ATL1: variants seen among roughly 807,000 people sequenced by gnomAD.
ATL1 encodes atlastin-1.
Under a neutral mutation model 75.5 loss-of-function variants are expected in ATL1, and 31 were observed. The ratio of observed to expected loss-of-function variants is 0.41; its 90% confidence interval spans 0.31 to 0.55. The LOEUF (loss-of-function observed/expected upper bound fraction) is 0.55. Among genes scored for constraint, ATL1 ranks in the 20% least tolerant of loss-of-function variants. The pLI is 0.27. For synonymous variants in ATL1, 226 were observed against 233.3 expected (o/e 0.97, Z 0.28); for missense variants, 405 against 662.6 (o/e 0.61, Z 4.27).
chr14:50,569,253 C>A (rs560201810), intron 1 of ATL1, among the ~76,000 whole-genome samples: 20 of 151,730 alleles, frequency 1.3e-4, no homozygotes, highest in Non-Finnish European at 2.8e-4. Context: ...CCAGCTACTC[C>A]GGAGGCTGAA....
upstream of ATL1, among the ~76,000 whole-genome samples, chr14:50,558,711 G>T (rs895544296): frequency 2.0e-5 from 3 of 152,150 alleles, no homozygotes; most frequent in East Asian, 3.9e-4. Context: ...GGATTTTCAG[G>T]CTGGAATGTA....
chr14:50,541,663 G>C (rs940169416), intron 1 of ATL1, among the ~76,000 whole-genome samples: 5 of 152,144 alleles, frequency 3.3e-5, no homozygotes, highest in African/African-American at 1.2e-4. Context: ...ACAGGAAACT[G>C]TATGGAGTCT....
At chr14:50,577,743 G>A (rs1237038958) in intron 1 of ATL1, among the ~76,000 whole-genome samples, 2 of 152,168 alleles carry the variant, frequency 1.3e-5, no homozygotes, top group East Asian at 3.9e-4. Flanking sequence ...ACATTTCTAT[G>A]TAAATGGAAT....
At chr14:50,560,388 C>A in intron 1 of ATL1, 89 bp downstream of exon 1, 1 of 1,509,326 alleles carries the variant, frequency 6.6e-7, no homozygotes, top group Non-Finnish European at 9.0e-7. Flanking sequence ...GGGCCAAGGG[C>A]TGCTAGGTGC....
At chr14:50,583,785 T>TA (rs2039077472) in intron 1 of ATL1, among the ~76,000 whole-genome samples, 2 of 152,188 alleles carry the variant, frequency 1.3e-5, no homozygotes, top group African/African-American at 4.8e-5. Flanking sequence ...AGTAACTTTT[T>TA]ATGAAGCTAT....
chr14:50,542,673 C>G (rs941420038), intron 1 of ATL1: 2 of 151,994 alleles, frequency 1.3e-5, no homozygotes, highest in African/African-American at 2.4e-5. Flanking sequence ...AACCCATTAT[C>G]TATAGGCTCA....
intron 6 of ATL1, among the ~76,000 whole-genome samples, chr14:50,607,371 T>C (rs1036642558): frequency 3.3e-5 from 5 of 152,056 alleles, no homozygotes; most frequent in Admixed American, 2.6e-4. Flanking sequence ...TGACCACATG[T>C]AGGCGTCAGG....
In ATL1 at chr14:50,575,022, C is replaced by CTT. The variant is rs546058515; in HGVS notation, c.35-12808_35-12807insTT. ...AGCCAAAAAGACTATCTCTTTTTTC[C>CTT]TCTCTCTCTGGTCCTTGATTTAGGA... On this transcript the variant is annotated intron_variant, in intron 1 of 13. Coordinates refer to ENST00000358385, the MANE Select transcript of ATL1 (RefSeq NM_015915.5). Among the ~76,000 whole-genome samples, 395 of 131,130 alleles carry CTT rather than the reference C, an allele frequency of 3.0e-3. 2 individuals are homozygous for CTT. The highest frequency in any genetic ancestry group is 5.1e-3 in the Non-Finnish European group (318 of 61,778). The allele number at this position is 131,130 out of a possible 152,430, so 86.0% of individuals were successfully genotyped here. A position where few individuals can be genotyped will look rare whatever the true frequency, so the allele number is the denominator to read the frequency against.
At chr14:50,564,251 G>T (rs190350207) in intron 1 of ATL1, among the ~76,000 whole-genome samples, 2 of 152,270 alleles carry the variant, frequency 1.3e-5, no homozygotes, top group East Asian at 3.9e-4. Context: ...TACTTTGTTT[G>T]TTTGTTTTTG....
chr14:50,629,512 C>T (rs140296809), intron 12 of ATL1, among the ~76,000 whole-genome samples: 4,291 of 146,048 alleles, frequency 0.029, 211 homozygotes, highest in African/African-American at 0.1. Flanking sequence ...ACCCAGAAGG[C>T]GGAGGTTGCA....
chr14:50,562,050 C>CTT (rs113887466), intron 1 of ATL1, among the ~76,000 whole-genome samples: 1 of 146,624 alleles, frequency 6.8e-6, no homozygotes, highest in Non-Finnish European at 1.5e-5. Context: ...TGGCTATAAA[C>CTT]TTTTTTTTTT....
rs1057524242 is a variant in ATL1, at chr14:50,623,234, A to C, written c.1105A>C (p.Lys369Gln). 3.7e-6 allele frequency: 6 copies of C among 1,611,754 alleles called. No homozygotes were observed. Among genetic ancestry groups the C allele is most frequent in the Non-Finnish European group, 5.1e-6 (6 of 1,178,204 alleles). Reference sequence around the variant, plus strand: ...GGCAACTGCCAAGGACACATACAACAAAAAAATGGAAGAGGTAAGAGTTAA... The same window carrying C: ...GGCAACTGCCAAGGACACATACAACCAAAAAATGGAAGAGGTAAGAGTTAA... ...AVATAKDTYN[K>Q]KMEEICGGDK... The change falls in exon 11 of 14, where the codon AAA becomes CAA. Residue 369 changes from lysine (K) to glutamine (Q), a missense_variant. Lys to Gln is a moderately conservative substitution (Grantham distance 53). Coordinates refer to ENST00000358385, the MANE Select transcript of ATL1 (RefSeq NM_015915.5).
intron 1 of ATL1, among the ~76,000 whole-genome samples, chr14:50,582,356 T>G (rs1343144523): frequency 6.6e-6 from 1 of 151,806 alleles, no homozygotes; most frequent in African/African-American, 2.4e-5. Context: ...ACAGGTGAGT[T>G]CTATCAAAAT....
chr14:50,547,186 T>G (rs2038644584), intron 1 of ATL1, among the ~76,000 whole-genome samples: 2 of 152,242 alleles, frequency 1.3e-5, no homozygotes, highest in African/African-American at 4.8e-5. Flanking sequence ...TCAGTTCTCA[T>G]GAGTCATCCA....
At chr14:50,545,882 A>G (rs1432824281) in intron 1 of ATL1, among the ~76,000 whole-genome samples, 3 of 152,224 alleles carry the variant, frequency 2.0e-5, no homozygotes, top group Non-Finnish European at 2.9e-5. Context: ...TGATGGCCAA[A>G]TTACAGCAAG....
At chr14:50,534,244 T>C (rs953991902) in intron 1 of ATL1, among the ~76,000 whole-genome samples, 6 of 152,204 alleles carry the variant, frequency 3.9e-5, no homozygotes, top group Admixed American at 1.3e-4. Flanking sequence ...AAACACTTAC[T>C]ATAAAACAAG....
intron 1 of ATL1, among the ~76,000 whole-genome samples, chr14:50,575,218 G>A (rs905663903): frequency 1.4e-4 from 21 of 151,542 alleles, no homozygotes; most frequent in African/African-American, 5.1e-4. Flanking sequence ...CTTCTAGAGA[G>A]ATCCATTGAA....
intron 1 of ATL1, among the ~76,000 whole-genome samples, chr14:50,545,103 T>C (rs974968288): frequency 1.3e-5 from 2 of 152,118 alleles, no homozygotes; most frequent in African/African-American, 2.4e-5. Context: ...CCAAACATCA[T>C]GGAGAGTATC....
intron 1 of ATL1, among the ~76,000 whole-genome samples, chr14:50,572,760 T>C (rs2038965813): frequency 6.6e-6 from 1 of 152,224 alleles, no homozygotes; most frequent in Non-Finnish European, 1.5e-5. Flanking sequence ...TGCTCTATCC[T>C]ATATATGTTG....
Sources: gnomAD v4.1 joint callset for allele counts (sites outside exome capture counted in the v4.1 genomes callset) on GRCh38, gnomAD v4.1.1 for gene constraint, MANE v1.5 for transcripts, NCBI Gene and HGNC (gene_info 2026-07-23, HGNC 2026-07-21) for gene names.